SLC4A10: variants seen among roughly 807,000 people sequenced by gnomAD.
SLC4A10 encodes the protein solute carrier family 4 member 10.
In SLC4A10, 42 loss-of-function variants were observed where a neutral mutation model predicts 137.7. The ratio of observed to expected loss-of-function variants is 0.30; its 90% CI spans 0.24 to 0.39. SLC4A10 has a LOEUF of 0.39. Ranked by LOEUF, SLC4A10 falls within the 10% of genes least tolerant of loss-of-function variation. SLC4A10 has a pLI of 1.00. For missense variants in SLC4A10, 925 were observed against 1,355.0 expected, an observed-to-expected ratio of 0.68 and a Z score of 4.98; for synonymous variants, 474 against 464.1, an observed-to-expected ratio of 1.02 and a Z score of -0.27.
At chr2:161,759,647 A>G (rs1294393217) in intron 1 of SLC4A10, among the ~76,000 whole-genome samples, 1 of 151,884 alleles carries the variant, frequency 6.6e-6, no homozygotes, top group East Asian at 1.9e-4. Flanking sequence ...TTTTTATGTC[A>G]TCTTTGGAAA....
At chr2:161,723,267 ACCTCCTC>A (rs375293265) in intron 1 of SLC4A10, among the ~76,000 whole-genome samples, 6 of 151,538 alleles carry the variant, frequency 4.0e-5, no homozygotes, top group African/African-American at 1.2e-4. Context: ...ACAATCACTC[ACCTCCTC>A]CCTTGGCTGG....
At chr2:161,732,157 T>TAAA (rs2046885098) in intron 1 of SLC4A10, among the ~76,000 whole-genome samples, 7 of 152,240 alleles carry the variant, frequency 4.6e-5, no homozygotes, top group Admixed American at 1.3e-4. Flanking sequence ...TTATGGGAGC[T>TAAA]TCATTACTAG....
chr2:161,634,758 G>A (rs1260493956), intron 1 of SLC4A10, among the ~76,000 whole-genome samples: 2 of 151,734 alleles, frequency 1.3e-5, no homozygotes, highest in African/African-American at 4.8e-5. Context: ...TACAATATAT[G>A]TGTTAACTAT....
At chr2:161,783,414 A>G (rs1394724205) in intron 2 of SLC4A10, among the ~76,000 whole-genome samples, 2 of 151,984 alleles carry the variant, frequency 1.3e-5, no homozygotes, top group African/African-American at 4.8e-5. Flanking sequence ...ACAAGATAGC[A>G]TAAGAAAGTA....
At chr2:161,883,028 C>T (rs762179448) in intron 10 of SLC4A10, among the ~76,000 whole-genome samples, 1 of 152,086 alleles carries the variant, frequency 6.6e-6, no homozygotes, top group East Asian at 1.9e-4. Context: ...CTTTCATCAG[C>T]TCTTCAAAGA....
chr2:161,776,458 A>C (rs935567882), intron 2 of SLC4A10, among the ~76,000 whole-genome samples: 7 of 151,956 alleles, frequency 4.6e-5, no homozygotes, highest in African/African-American at 1.7e-4. Flanking sequence ...ATCATATACT[A>C]TTTGTCTTTT....
intron 19 of SLC4A10, 106 bp downstream of exon 19, chr2:161,950,954 AAAT>A (rs1694695194): frequency 1.1e-6 from 1 of 929,220 alleles, no homozygotes; most frequent in Admixed American, 3.5e-5. Flanking sequence ...GAAATATATA[AAAT>A]AATGTTTTTA....
chr2:161,886,089 A>G (rs182281619), intron 10 of SLC4A10, among the ~76,000 whole-genome samples: 1 of 152,358 alleles, frequency 6.6e-6, no homozygotes, highest in East Asian at 1.9e-4. Flanking sequence ...ATAGAGCCAG[A>G]CCTTGTCTCA....
At chr2:161,972,930 T>C (rs1258430799) in intron 23 of SLC4A10, among the ~76,000 whole-genome samples, 1 of 152,212 alleles carries the variant, frequency 6.6e-6, no homozygotes, top group Non-Finnish European at 1.5e-5. Context: ...AACACTTGTT[T>C]CTTTAGGTAG....
chr2:161,805,961 C>G (rs1286400467), intron 3 of SLC4A10, among the ~76,000 whole-genome samples: 2 of 152,272 alleles, frequency 1.3e-5, no homozygotes, highest in East Asian at 1.9e-4. Flanking sequence ...CCATGAGGGC[C>G]CTGCCCCTGA....
At chr2:161,725,967 C>T (rs1165657192) in intron 1 of SLC4A10, among the ~76,000 whole-genome samples, 2 of 152,160 alleles carry the variant, frequency 1.3e-5, no homozygotes, top group Non-Finnish European at 2.9e-5. Context: ...CGTCTTCTCC[C>T]TTAGAATGTG....
chr2:161,717,419 G>A (rs549034225), intron 1 of SLC4A10, among the ~76,000 whole-genome samples: 4 of 152,244 alleles, frequency 2.6e-5, no homozygotes, highest in Admixed American at 2.0e-4. Flanking sequence ...TATGATATTG[G>A]CTGTGAGTTT....
intron 1 of SLC4A10, among the ~76,000 whole-genome samples, chr2:161,700,635 T>C (rs2043029395): frequency 6.6e-6 from 1 of 152,094 alleles, no homozygotes; most frequent in African/African-American, 2.4e-5. Flanking sequence ...TCAAAATAGC[T>C]TTATGAGGTA....
intron 3 of SLC4A10, among the ~76,000 whole-genome samples, chr2:161,807,197 CACA>C (rs1034345180): frequency 5.3e-5 from 8 of 152,160 alleles, no homozygotes; most frequent in Non-Finnish European, 8.8e-5. Flanking sequence ...AGGTCCCTCC[CACA>C]ACATGTGAGA....
At chr2:161,880,266 C>T (rs541643048) in intron 9 of SLC4A10, among the ~76,000 whole-genome samples, 1 of 152,260 alleles carries the variant, frequency 6.6e-6, no homozygotes, top group Non-Finnish European at 1.5e-5. Context: ...ATACCTTAGC[C>T]AAGTTACTTG....
chr2:161,766,733 A>G (rs1312205117), intron 1 of SLC4A10, among the ~76,000 whole-genome samples: 1 of 151,608 alleles, frequency 6.6e-6, no homozygotes, highest in Non-Finnish European at 1.5e-5. Context: ...CCCCATTTTT[A>G]GTTTTTTTTT....
chr2:161,794,000 T>C (rs541865643), intron 2 of SLC4A10, among the ~76,000 whole-genome samples: 1 of 152,226 alleles, frequency 6.6e-6, no homozygotes, highest in African/African-American at 2.4e-5. Flanking sequence ...ACTATCAGCA[T>C]CAATGAAGTT....
At chr2:161,834,359 AGATTTG>A in intron 3 of SLC4A10, among the ~76,000 whole-genome samples, 1 of 152,054 alleles carries the variant, frequency 6.6e-6, no homozygotes, top group Non-Finnish European at 1.5e-5. Context: ...TCCCAACAAA[AGATTTG>A]GGTATGATAG....
intron 21 of SLC4A10, among the ~76,000 whole-genome samples, chr2:161,959,881 T>C (rs187424149): frequency 1.3e-5 from 2 of 152,320 alleles, no homozygotes; most frequent in African/African-American, 4.8e-5. Flanking sequence ...TCTTCCCACG[T>C]ATTTCTTTGA....
Sources: gnomAD v4.1 joint callset for allele counts (sites outside exome capture counted in the v4.1 genomes callset) on GRCh38, gnomAD v4.1.1 for gene constraint, MANE v1.5 for transcripts, NCBI Gene and HGNC (gene_info 2026-07-23, HGNC 2026-07-21) for gene names.